Variants in MRPL3 observed in about 807,000 individuals in gnomAD.
MRPL3 encodes the protein mitochondrial ribosomal protein L3.
MRPL3 carries 43 observed loss-of-function variants against 44.3 expected under a neutral mutation model. That is an observed-to-expected ratio of 0.97 (90% confidence interval 0.76 to 1.25). The LOEUF (loss-of-function observed/expected upper bound fraction) is 1.25. Among genes scored for constraint, MRPL3 ranks in the 50% most tolerant of loss-of-function variants. The pLI is 0.00. For synonymous variants in MRPL3, 171 were observed against 152.3 expected (o/e 1.12, Z -0.91); for missense variants, 406 against 427.6 (o/e 0.95, Z 0.45).
At position 131,462,684 on chromosome 3, in the gene MRPL3, G is replaced by C. The variant is rs547122807; in HGVS notation, c.*39C>G. ...TATGATATCACTCTGGCTCATCGAA[G>C]CTCACAGAATATGTAAGGTTCTGCC... is the stretch of plus-strand genomic sequence containing the variant. On this transcript the variant is annotated 3_prime_UTR_variant, in exon 10 of 10. Transcript: ENST00000264995. 2.6e-6 allele frequency: 4 copies of C among 1,556,354 alleles called. No individual in the cohort carries two copies. Among genetic ancestry groups the C allele is most frequent in the African/African-American group, 1.4e-5 (1 of 73,348 alleles).
Position 131,489,834 on chromosome 3 carries a change from A to C in MRPL3, c.568+147T>G, listed in dbSNP as rs189482940. 209 of 531,698 alleles carry C rather than the reference A, an allele frequency of 3.9e-4. 1 individual carries two copies. The highest frequency in any genetic ancestry group is 1.8e-3 in the Admixed American group (58 of 31,570). The allele number at this position is 531,698 out of a possible 1,614,324, so 32.9% of individuals were successfully genotyped here. ...TACAGGTTTTTCCACTAAAAAAAAA[A>C]AAAAACAAAATGAGATACAGTTTTG... On this transcript the variant is annotated intron_variant, in intron 5 of 9. Transcript: ENST00000264995.
rs201688022 is a variant in MRPL3, at chr3:131,471,219, C to T, written c.690G>A (p.Thr230=). 89 of 1,613,400 alleles carry T rather than the reference C, an allele frequency of 5.5e-5. No individual in the cohort carries two copies. Among genetic ancestry groups the T allele is most frequent in the African/African-American group, 2.0e-4 (15 of 74,986 alleles). ...TCCTGTGGGTTTTCGTTTGACCATG[C>T]GTAGCAGGCTGGCCTTTAAATCCCC... ...KRWGFKGQPA[T]HGQTKTHRRP... is the part of the protein sequence containing the mutation. The change falls in exon 7 of 10, where the codon ACG becomes ACA. Residue 230 remains threonine, a synonymous_variant. Coordinates refer to ENST00000264995, the MANE Select transcript of MRPL3 (RefSeq NM_007208.4).
intron 9 of MRPL3, 28 bp downstream of exon 9, chr3:131,468,063 G>GAA: frequency 7.0e-6 from 8 of 1,139,618 alleles, no homozygotes; most frequent in Non-Finnish European, 9.7e-6. Flanking sequence ...AAAAAAAAAG[G>GAA]AAAAAAAAAG....
chr3:131,479,255 C>T, intron 6 of MRPL3: 1 of 509,984 alleles, frequency 2.0e-6, no homozygotes. Context: ...TTTTCACTTT[C>T]TCTCTTTATG....
chr3:131,469,776 A>G lies in MRPL3; in HGVS notation c.739-3T>C, dbSNP rs1933703198. Reference sequence around the variant, plus strand: ...CCAGGCCAGACTCTGCCAATATCCTAAATGAGAAAACTAAAGTTAACACTT... The same window carrying G: ...CCAGGCCAGACTCTGCCAATATCCTGAATGAGAAAACTAAAGTTAACACTT... On this transcript the variant is annotated splice_polypyrimidine_tract_variant and splice_region_variant and intron_variant, in intron 7 of 9. Transcript: ENST00000264995. 1 of 1,607,712 alleles carries G rather than the reference A, an allele frequency of 6.2e-7. No homozygotes were observed. Among genetic ancestry groups the G allele is most frequent in the Non-Finnish European group, 8.5e-7 (1 of 1,175,360 alleles).
rs191922807 is a variant in MRPL3, at chr3:131,475,042, A to G, written c.630-3763T>C. ...AGTGATCCTCCCACCTGGGCCTCCC[A>G]AAGTGTTGGGATTACAGGTGTGAGC... On this transcript the variant is annotated intron_variant, in intron 6 of 9. Coordinates refer to ENST00000264995, the MANE Select transcript of MRPL3 (RefSeq NM_007208.4). 8.1e-4 allele frequency among the ~76,000 whole-genome samples: 123 copies of G among 152,256 alleles called. 1 individual carries two copies. Among genetic ancestry groups the G allele is most frequent in the Non-Finnish European group, 3.5e-4 (24 of 68,016 alleles).
At chr3:131,498,397 C>T (rs1192471333) in intron 3 of MRPL3, 120 bp from the exon 4 acceptor site, 2 of 580,606 alleles carry the variant, frequency 3.4e-6, no homozygotes, top group Non-Finnish European at 6.0e-6. Flanking sequence ...CCTCATCTTT[C>T]CTCTAACACC....
chr3:131,482,975 G>A (rs1473648590), intron 6 of MRPL3, among the ~76,000 whole-genome samples: 1 of 134,890 alleles, frequency 7.4e-6, no homozygotes, highest in East Asian at 2.1e-4. Context: ...TTTGTTCTTT[G>A]TTTCATTCTT....
At chr3:131,497,971 C>T in intron 4 of MRPL3, 1 of 560,428 alleles carries the variant, frequency 1.8e-6, no homozygotes. Flanking sequence ...TTACTTGTTC[C>T]AGATACAGGG....
At chr3:131,497,093 G>A (rs1004077077) in intron 4 of MRPL3, among the ~76,000 whole-genome samples, 10 of 152,284 alleles carry the variant, frequency 6.6e-5, no homozygotes, top group South Asian at 4.1e-4. Flanking sequence ...GGCTGTCTCC[G>A]GTTCTGTGCT....
At chr3:131,480,883 G>T (rs1032140164) in intron 6 of MRPL3, among the ~76,000 whole-genome samples, 1 of 152,180 alleles carries the variant, frequency 6.6e-6, no homozygotes. Context: ...TTTGGAAACA[G>T]ATTTTTAGAA....
At chr3:131,475,746 G>C (rs1933840933) in intron 6 of MRPL3, among the ~76,000 whole-genome samples, 1 of 152,066 alleles carries the variant, frequency 6.6e-6, no homozygotes, top group Non-Finnish European at 1.5e-5. Flanking sequence ...TCTAAGAAGA[G>C]AATAATCAAA....
intron 5 of MRPL3, chr3:131,488,533 T>C (rs576328890): frequency 2.0e-5 from 3 of 152,114 alleles, no homozygotes; most frequent in Admixed American, 6.5e-5. Flanking sequence ...CTTACAAATA[T>C]GTGCAGCTAG....
intron 6 of MRPL3, among the ~76,000 whole-genome samples, chr3:131,476,073 T>C (rs1933846512): frequency 6.6e-6 from 1 of 152,210 alleles, no homozygotes; most frequent in Non-Finnish European, 1.5e-5. Context: ...ACATGCCAGG[T>C]GAACTACAGA....
chr3:131,471,734 GT>G (rs1465666039), intron 6 of MRPL3, among the ~76,000 whole-genome samples: 2 of 152,130 alleles, frequency 1.3e-5, no homozygotes, highest in Admixed American at 1.3e-4. Flanking sequence ...GGTGAACCTA[GT>G]CCCTTGCTTC....
intron 5 of MRPL3, among the ~76,000 whole-genome samples, chr3:131,488,051 T>C (rs941145773): frequency 7.9e-5 from 12 of 152,208 alleles, no homozygotes; most frequent in African/African-American, 2.9e-4. Context: ...AATTAAGATA[T>C]GTTTCTTGTC....
intron 6 of MRPL3, 154 bp from the exon 7 acceptor site, chr3:131,471,433 A>C (rs1056392045): frequency 3.3e-6 from 2 of 599,294 alleles, no homozygotes; most frequent in Admixed American, 6.1e-5. Flanking sequence ...CTAAAACTGC[A>C]AATAAATATT....
intron 5 of MRPL3, among the ~76,000 whole-genome samples, chr3:131,488,315 T>C (rs1467526953): frequency 6.6e-6 from 1 of 152,194 alleles, no homozygotes; most frequent in Non-Finnish European, 1.5e-5. Context: ...ATTGCCTTTA[T>C]AGATACTTAT....
At position 131,500,465 on chromosome 3, in the gene MRPL3, T is replaced by C. The variant is rs1322846681; in HGVS notation, c.334A>G (p.Lys112Glu). The change falls in exon 3 of 10, where the codon AAG (lysine) becomes GAG (glutamate). Residue 112 changes from lysine (K) to glutamate (E), a missense_variant. Transcript: ENST00000264995. ...LKLGMMPLWT[K>E]DGQKHVVTLL... ...GTGACCACATGCTTTTGACCATCCT[T>C]GGTCCATAAAGGCATCATGCCCAGC... 3.1e-6 allele frequency: 5 copies of C among 1,613,912 alleles called. No homozygotes were observed. Among genetic ancestry groups the C allele is most frequent in the Middle Eastern group, 1.7e-4 (1 of 6,060 alleles).
Sources: allele counts gnomAD v4.1 joint callset (sites outside exome capture counted in the v4.1 genomes callset), GRCh38; gene constraint gnomAD v4.1.1; transcripts MANE v1.5; gene names NCBI Gene and HGNC (gene_info 2026-07-23, HGNC 2026-07-21).